The following CBLB variants were observed in gnomAD, a reference collection of about 807,000 sequenced individuals.
The protein encoded by CBLB is E3 ubiquitin-protein ligase CBL-B.
Under a neutral mutation model 104.9 loss-of-function variants are expected in CBLB, and 31 were observed. That is an observed-to-expected ratio of 0.30 (90% CI 0.22 to 0.40). CBLB has a LOEUF of 0.40. Among genes scored for constraint, CBLB ranks in the 10% least tolerant of loss-of-function variants. The pLI is 1.00. For synonymous variants in CBLB, 440 were observed against 422.6 expected, an observed-to-expected ratio of 1.04 and a Z score of -0.51; for missense variants, 1,062 against 1,214.6, an observed-to-expected ratio of 0.87 and a Z score of 1.87.
chr3:105,769,145 G>A (rs1247147277), intron 4 of CBLB, among the ~76,000 whole-genome samples: 2 of 150,704 alleles, frequency 1.3e-5, no homozygotes, highest in East Asian at 2.0e-4. Flanking sequence ...GAAACTCCAC[G>A]TCTACTAAAC....
At chr3:105,796,407 A>T (rs2082261450) in intron 3 of CBLB, among the ~76,000 whole-genome samples, 2 of 152,180 alleles carry the variant, frequency 1.3e-5, no homozygotes, top group Non-Finnish European at 2.9e-5. Context: ...GATTGAAACT[A>T]GACCCTTTCC....
chr3:105,823,280 C>T (rs1007826569), intron 3 of CBLB, among the ~76,000 whole-genome samples: 1 of 152,102 alleles, frequency 6.6e-6, no homozygotes, highest in African/African-American at 2.4e-5. Context: ...ATGGGGTGGC[C>T]CTGAAACAGA....
intron 10 of CBLB, among the ~76,000 whole-genome samples, chr3:105,718,847 AAAGT>A (rs2072325588): frequency 6.6e-6 from 1 of 152,292 alleles, no homozygotes; most frequent in Admixed American, 6.5e-5. Context: ...AAAATTTGTG[AAAGT>A]AATTGGGATT....
At chr3:105,769,940 A>G (rs2152951412) in intron 4 of CBLB, among the ~76,000 whole-genome samples, 1 of 152,350 alleles carries the variant, frequency 6.6e-6, no homozygotes, top group Non-Finnish European at 1.5e-5. Context: ...AATGCAGAGC[A>G]TGAATTTAAA....
intron 3 of CBLB, among the ~76,000 whole-genome samples, chr3:105,827,730 A>G (rs770710900): frequency 4.6e-5 from 7 of 152,210 alleles, no homozygotes; most frequent in Non-Finnish European, 8.8e-5. Flanking sequence ...TACGCCTCAA[A>G]TGGGTCATAC....
chr3:105,664,900 A>G (rs2064202651), intron 18 of CBLB, among the ~76,000 whole-genome samples: 1 of 152,100 alleles, frequency 6.6e-6, no homozygotes, highest in Non-Finnish European at 1.5e-5. Context: ...AACATCTCCA[A>G]ACTCAGTCTG....
rs911007335 is a variant in CBLB at position 105,712,902 on chromosome 3, T to C, written c.1407+7145A>G. ...TCAACATCTAAAAGAAAACCTTCCA[T>C]AGACAACTCAAAAATACTAATAACT... On this transcript the variant is annotated intron_variant, in intron 10 of 18. Transcript: ENST00000394030. Among the ~76,000 whole-genome samples, 12 of 152,268 alleles carry C rather than the reference T, an allele frequency of 7.9e-5. 1 individual carries two copies. In the East Asian group the frequency reaches 1.4e-3, roughly 17 times the overall value.
intron 3 of CBLB, among the ~76,000 whole-genome samples, chr3:105,844,053 G>T (rs775806129): frequency 6.6e-6 from 1 of 152,202 alleles, no homozygotes; most frequent in African/African-American, 2.4e-5. Flanking sequence ...AAAATCACTG[G>T]TGTTTTTGTA....
intron 3 of CBLB, among the ~76,000 whole-genome samples, chr3:105,795,072 C>T (rs1287864578): frequency 6.6e-6 from 1 of 152,070 alleles, no homozygotes; most frequent in Non-Finnish European, 1.5e-5. Flanking sequence ...CACCACCACG[C>T]CCGGCTAATT....
At chr3:105,732,713 C>T (rs1158169032) in intron 9 of CBLB, among the ~76,000 whole-genome samples, 1 of 152,010 alleles carries the variant, frequency 6.6e-6, no homozygotes, top group Non-Finnish European at 1.5e-5. Context: ...GTAAGGAGCT[C>T]GGCAGGCATC....
chr3:105,812,741 A>T (rs1293622700), intron 3 of CBLB, among the ~76,000 whole-genome samples: 3 of 152,224 alleles, frequency 2.0e-5, no homozygotes, highest in African/African-American at 7.2e-5. Context: ...TGTGGTATCT[A>T]TCAGAAATGT....
At position 105,720,241 on chromosome 3, in the gene CBLB, C is replaced by T. The variant is rs1234641906; in HGVS notation, c.1213G>A (p.Gly405Ser). Residue 405 changes from glycine (G) to serine (S), a missense_variant, in exon 10 of 19, where the codon GGT (glycine) becomes AGT (serine). Gly to Ser is a moderately conservative substitution (Grantham distance 56). This residue lies in a region of CBLB where 457 missense variants were observed against 632.0 expected (regional missense o/e 0.72). Transcript: ENST00000394030. ...SCLTAWQESD[G>S]QGCPFCRCEI... ...CAACGACAGAAAGGGCAGCCCTGAC[C>T]ATCCGACTCCTAAACAAATAGAAAA... The T allele has an allele frequency of 6.2e-7, 1 of 1,612,232 alleles. No individual in the cohort carries two copies. The highest frequency in any genetic ancestry group is 1.3e-5 in the African/African-American group (1 of 74,844).
chr3:105,734,201 A>G, intron 8 of CBLB, 61 bp from the exon 9 acceptor site: 1 of 1,559,832 alleles, frequency 6.4e-7, no homozygotes, highest in Non-Finnish European at 8.8e-7. Flanking sequence ...AATTGTTAGT[A>G]TCAAATTTTC....
chr3:105,737,302 T>C, intron 7 of CBLB, 44 bp from the exon 8 acceptor site: 1 of 959,074 alleles, frequency 1.0e-6, no homozygotes, highest in Admixed American at 2.0e-5. Flanking sequence ...ATACAAGTTT[T>C]AATTGCATTT....
intron 8 of CBLB, among the ~76,000 whole-genome samples, chr3:105,735,218 G>A (rs1189599058): frequency 6.6e-6 from 1 of 152,050 alleles, no homozygotes; most frequent in Admixed American, 6.5e-5. Flanking sequence ...TGTACATGCA[G>A]GTACACACAT....
chr3:105,779,159 T>G (rs903348587), intron 3 of CBLB, among the ~76,000 whole-genome samples: 1 of 152,260 alleles, frequency 6.6e-6, no homozygotes, highest in Admixed American at 6.5e-5. Context: ...CCAATTTATT[T>G]TTTTAATTTT....
Position 105,742,223 on chromosome 3 carries a change from A to G in CBLB, c.846-1592T>C, listed in dbSNP as rs144155175. Among the ~76,000 whole-genome samples the G allele has an allele frequency of 1.6e-3, 250 of 152,346 alleles. 1 individual carries two copies. Among genetic ancestry groups the G allele is most frequent in the African/African-American group, 5.7e-3 (239 of 41,582 alleles). On this transcript the variant is annotated intron_variant, in intron 6 of 18. Coordinates refer to ENST00000394030, the MANE Select transcript of CBLB (RefSeq NM_170662.5). Reference sequence around the variant, plus strand: ...TATATTTTAATATTCGAGCTGCTGTATGTATGTGGCAGACACAAGTATGTC... The same window carrying G: ...TATATTTTAATATTCGAGCTGCTGTGTGTATGTGGCAGACACAAGTATGTC...
chr3:105,856,440 T>C (rs2091628419), intron 2 of CBLB, among the ~76,000 whole-genome samples: 1 of 151,264 alleles, frequency 6.6e-6, no homozygotes, highest in Admixed American at 6.6e-5. Context: ...GAGAAAAATC[T>C]GGTTCAAATT....
At chr3:105,825,577 T>A (rs959592672) in intron 3 of CBLB, among the ~76,000 whole-genome samples, 19 of 152,150 alleles carry the variant, frequency 1.2e-4, no homozygotes, top group African/African-American at 4.6e-4. Context: ...TCAACAAATA[T>A]CACTGAAGGA....
Sources: allele counts gnomAD v4.1 joint callset (sites outside exome capture counted in the v4.1 genomes callset), GRCh38; gene constraint gnomAD v4.1.1; regional missense constraint gnomAD v4.1.1; transcripts MANE v1.5; gene names NCBI Gene and HGNC (gene_info 2026-07-23, HGNC 2026-07-21).